Variants in ASL observed in about 807,000 individuals in gnomAD.
ASL encodes the protein argininosuccinate lyase.
In ASL, 51 loss-of-function variants were observed where a neutral mutation model predicts 69.1. The ratio of observed to expected loss-of-function variants is 0.74; its 90% CI spans 0.59 to 0.93. The LOEUF (loss-of-function observed/expected upper bound fraction) is 0.93. Ranked by LOEUF, ASL falls within the 40% of genes least tolerant of loss-of-function variation. The pLI is 0.00. For synonymous variants in ASL, 241 were observed against 247.6 expected (o/e 0.97, Z 0.25); for missense variants, 540 against 623.9 (o/e 0.87, Z 1.43).
chr7:66,076,155 G>C, intron 2 of ASL, 62 bp downstream of exon 2: 1 of 1,560,830 alleles, frequency 6.4e-7, no homozygotes, highest in Non-Finnish European at 8.7e-7. Flanking sequence ...GGGGGCGCCA[G>C]ACCTGCCTCG....
intron 9 of ASL, 54 bp from the exon 10 acceptor site, chr7:66,087,675 G>A: frequency 6.2e-7 from 1 of 1,608,534 alleles, no homozygotes; most frequent in Non-Finnish European, 8.5e-7. Context: ...AGTTGGGGGA[G>A]AGGGGGCCAC....
chr7:66,086,705 C>A (rs371308775), intron 7 of ASL, 39 bp from the exon 8 acceptor site: 2 of 1,611,752 alleles, frequency 1.2e-6, no homozygotes, highest in African/African-American at 1.3e-5. Context: ...AGGGGAGGAC[C>A]CCGGCTGCCC....
chr7:66,078,262 C>T (rs540364749), intron 2 of ASL, among the ~76,000 whole-genome samples: 1 of 152,196 alleles, frequency 6.6e-6, no homozygotes, highest in East Asian at 1.9e-4. Context: ...CCACGTGGTG[C>T]TTTGCTGGAG....
chr7:66,087,333 G>T lies in ASL; in HGVS notation c.603-1G>T. ...GTCACCATGAATCCCTGTCCCTGCAGTGGGGCCATTGCAGGCAATCCCCTG... is the reference window on the plus strand; with the variant it reads ...GTCACCATGAATCCCTGTCCCTGCATTGGGGCCATTGCAGGCAATCCCCTG... On this transcript the variant is annotated splice_acceptor_variant, in intron 8 of 16. Transcript: ENST00000304874. LOFTEE classifies it high-confidence loss of function. 6.2e-7 allele frequency: 1 copy of T among 1,604,392 alleles called. No individual in the cohort carries two copies.
At chr7:66,089,429 T>C in intron 13 of ASL, 94 bp downstream of exon 13, 1 of 1,505,462 alleles carries the variant, frequency 6.6e-7, no homozygotes, top group South Asian at 1.2e-5. Flanking sequence ...CCATACATCC[T>C]CCCATCCTGT....
chr7:66,092,469 A>G, intron 15 of ASL, 88 bp from the exon 16 acceptor site: 2 of 1,311,366 alleles, frequency 1.5e-6, no homozygotes, highest in African/African-American at 1.5e-5. Context: ...AAGAAAAAAA[A>G]AAAAAAAAGG....
intron 4 of ASL, 47 bp downstream of exon 4, chr7:66,082,498 C>G (rs1477223738): frequency 5.1e-6 from 8 of 1,577,684 alleles, no homozygotes; most frequent in Non-Finnish European, 6.9e-6. Context: ...CCCTCTCCAC[C>G]TTGCCCAGGG....
intron 2 of ASL, among the ~76,000 whole-genome samples, chr7:66,077,558 G>A (rs1054367123): frequency 6.6e-5 from 10 of 152,158 alleles, no homozygotes; most frequent in Admixed American, 1.3e-4. Flanking sequence ...GTGAAACCCC[G>A]TCTCTACTAA....
At chr7:66,084,642 CAG>C (rs1293180869) in intron 6 of ASL, among the ~76,000 whole-genome samples, 2 of 151,844 alleles carry the variant, frequency 1.3e-5, no homozygotes, top group Non-Finnish European at 2.9e-5. Context: ...ACCTGTGAGA[CAG>C]AGTCTTGCTC....
At chr7:66,086,442 G>A in intron 6 of ASL, 143 bp from the exon 7 acceptor site, 1 of 887,200 alleles carries the variant, frequency 1.1e-6, no homozygotes, top group Non-Finnish European at 1.8e-6. Flanking sequence ...ATTTGTCCCT[G>A]GGAGATCACC....
intron 2 of ASL, among the ~76,000 whole-genome samples, chr7:66,077,643 C>T (rs1046672606): frequency 1.3e-5 from 2 of 151,464 alleles, no homozygotes; most frequent in Admixed American, 1.3e-4. Context: ...GCAGGAGAAT[C>T]GCTTGAACTC....
intron 2 of ASL, among the ~76,000 whole-genome samples, chr7:66,078,335 G>T (rs1393514274): frequency 2.0e-5 from 3 of 152,222 alleles, no homozygotes; most frequent in Admixed American, 2.0e-4. Flanking sequence ...TGGGGTGGGG[G>T]CGGAGGCTGC....
chr7:66,091,690 C>T, intron 14 of ASL: 1 of 394,688 alleles, frequency 2.5e-6, no homozygotes, highest in Non-Finnish European at 4.8e-6. Flanking sequence ...GCACTCCAGC[C>T]TGGACAACAG....
intron 14 of ASL, among the ~76,000 whole-genome samples, chr7:66,091,348 A>G (rs1056997956): frequency 1.2e-4 from 18 of 152,276 alleles, no homozygotes; most frequent in Non-Finnish European, 1.3e-4. Context: ...GCTTGAGCCC[A>G]GGAGTTCAAA....
chr7:66,085,711 C>T (rs1277473428), intron 6 of ASL, among the ~76,000 whole-genome samples: 1 of 151,952 alleles, frequency 6.6e-6, no homozygotes, highest in Non-Finnish European at 1.5e-5. Context: ...GGGTTCATGC[C>T]ATTCTCCTGC....
In ASL at chr7:66,092,629, A is replaced by C. The variant is rs1200087400; in HGVS notation, c.1216A>C (p.Asn406His). The change falls in exon 16 of 17, where the codon AAC becomes CAC. Residue 406 changes from asparagine to histidine, a missense_variant. Coordinates refer to ENST00000304874, the MANE Select transcript of ASL (RefSeq NM_000048.4). ...FMAETKGVAL[N>H]QLSLQELQTI... Reference sequence around the variant, plus strand: ...GGCCGAGACCAAGGGGGTCGCCCTCAACCAGCTGTCACTGCAGGAGCTGCA... The same window carrying C: ...GGCCGAGACCAAGGGGGTCGCCCTCCACCAGCTGTCACTGCAGGAGCTGCA... 1.2e-6 allele frequency: 2 copies of C among 1,613,548 alleles called. No individual in the cohort carries two copies. The highest frequency in any genetic ancestry group is 3.3e-5 in the Admixed American group (2 of 59,980).
intron 4 of ASL, 44 bp downstream of exon 4, chr7:66,082,495 C>T (rs1183141501): frequency 6.3e-7 from 1 of 1,582,754 alleles, no homozygotes; most frequent in African/African-American, 1.3e-5. Context: ...CTCCCCTCTC[C>T]ACCTTGCCCA....
Position 66,089,636 on chromosome 7 carries a change from G to T in ASL, c.1003G>T (p.Val335Leu). Residue 335 changes from valine (V) to leucine (L), a missense_variant, in exon 14 of 17, where the codon GTG becomes TTG. Transcript: ENST00000304874. ...LQEDKEAVFE[V>L]SDTMSAVLQV... is the part of the protein sequence containing the mutation. ...GGAGGACAAGGAAGCTGTGTTTGAAGTGTCAGACACTATGAGTGCCGTGCT... is the reference window on the plus strand; with the variant it reads ...GGAGGACAAGGAAGCTGTGTTTGAATTGTCAGACACTATGAGTGCCGTGCT... 1 of 1,613,942 alleles carries T rather than the reference G, an allele frequency of 6.2e-7. No individual in the cohort carries two copies. The highest frequency in any genetic ancestry group is 8.5e-7 in the Non-Finnish European group (1 of 1,180,014).
chr7:66,082,308 G>A lies in ASL; in HGVS notation c.208-60G>A, dbSNP rs148816474. ...AGGGATAGGGTGGGACCAAGGCAGG[G>A]GCTCTCTTGGCTGCTGATGCCTGCT... is the stretch of plus-strand genomic sequence containing the variant. On this transcript the variant is annotated intron_variant, in intron 3 of 16. Transcript: ENST00000304874. 330 of 1,502,670 alleles carry A rather than the reference G, an allele frequency of 2.2e-4. 2 individuals are homozygous for A. In the African/African-American group the frequency reaches 4.3e-3, roughly 19 times the overall value. The allele number at this position is 1,502,670 out of a possible 1,614,324, so 93.1% of individuals were successfully genotyped here. A position where few individuals can be genotyped will look rare whatever the true frequency, so the allele number is the denominator to read the frequency against.
Sources: allele counts gnomAD v4.1 joint callset (sites outside exome capture counted in the v4.1 genomes callset), GRCh38; gene constraint gnomAD v4.1.1; transcripts MANE v1.5; gene names NCBI Gene and HGNC (gene_info 2026-07-23, HGNC 2026-07-21).